Variants in ANKIB1 observed in about 807,000 individuals in gnomAD.
ANKIB1 encodes ankyrin repeat and IBR domain containing 1, also known as ankyrin repeat and IBR domain-containing protein 1.
In ANKIB1, 43 loss-of-function variants were observed where a neutral mutation model predicts 122.1. The ratio of observed to expected loss-of-function variants is 0.35; its 90% CI spans 0.28 to 0.45. ANKIB1 has a LOEUF of 0.45. Among genes scored for constraint, ANKIB1 ranks in the 20% least tolerant of loss-of-function variants. The pLI, the probability that ANKIB1 is intolerant of heterozygous loss-of-function variation, is 1.00. For synonymous variants in ANKIB1, 390 were observed against 442.0 expected, an observed-to-expected ratio of 0.88 and a Z score of 1.48; for missense variants, 992 against 1,329.5, an observed-to-expected ratio of 0.75 and a Z score of 3.95.
intron 2 of ANKIB1, among the ~76,000 whole-genome samples, chr7:92,297,297 C>T (rs1802374885): frequency 6.6e-6 from 1 of 152,182 alleles, no homozygotes; most frequent in Non-Finnish European, 1.5e-5. Context: ...GTCGTATCAG[C>T]TTATGTGTCA....
At chr7:92,307,223 A>T in intron 2 of ANKIB1, 136 bp from the exon 3 acceptor site, 1 of 846,944 alleles carries the variant, frequency 1.2e-6, no homozygotes, top group Non-Finnish European at 1.8e-6. Context: ...AAGCTGTTGT[A>T]AACCAGACCC....
chr7:92,387,800 T>A lies in ANKIB1; in HGVS notation c.1755T>A (p.Ala585=). The A allele has an allele frequency of 6.2e-7, 1 of 1,607,420 alleles. No individual in the cohort carries two copies. Residue 585 remains alanine, a splice_region_variant and synonymous_variant, in exon 13 of 20, where the codon GCT becomes GCA. Transcript: ENST00000265742. ...EEQSKEMTVE[A]EKKHKRFQEL... ...ATTTGTGGACTTTTGTTTTCTAGGC[T>A]GAGAAAAAACACAAACGATTTCAGG... is the stretch of plus-strand genomic sequence containing the variant.
intron 1 of ANKIB1, among the ~76,000 whole-genome samples, chr7:92,247,333 A>G (rs1314497216): frequency 6.6e-6 from 1 of 152,202 alleles, no homozygotes; most frequent in Non-Finnish European, 1.5e-5. Context: ...GTATGTGGGT[A>G]TGTGTAAGGT....
At chr7:92,299,398 A>G (rs1262122036) in intron 2 of ANKIB1, among the ~76,000 whole-genome samples, 2 of 152,244 alleles carry the variant, frequency 1.3e-5, no homozygotes, top group African/African-American at 2.4e-5. Context: ...CTTTAATGTA[A>G]CAGTACAAAA....
chr7:92,350,542 C>T (rs971210608), intron 7 of ANKIB1, among the ~76,000 whole-genome samples: 4 of 151,910 alleles, frequency 2.6e-5, no homozygotes, highest in Admixed American at 6.6e-5. Flanking sequence ...ATTTTAATTA[C>T]ACTCTGACAA....
At chr7:92,386,230 T>A (rs534016951) in intron 11 of ANKIB1, among the ~76,000 whole-genome samples, 47 of 152,312 alleles carry the variant, frequency 3.1e-4, no homozygotes, top group African/African-American at 1.1e-3. Flanking sequence ...TCCAAAGATA[T>A]TATTTGGAAA....
At chr7:92,339,357 T>G (rs1202043417) in intron 5 of ANKIB1, among the ~76,000 whole-genome samples, 1 of 152,100 alleles carries the variant, frequency 6.6e-6, no homozygotes, top group African/African-American at 2.4e-5. Context: ...TTTTTTAAAG[T>G]TTGCTTATGA....
chr7:92,329,666 G>T (rs1033442006), intron 5 of ANKIB1, among the ~76,000 whole-genome samples: 11 of 152,032 alleles, frequency 7.2e-5, no homozygotes, highest in Non-Finnish European at 1.5e-4. Context: ...TTGATTAGTG[G>T]GCAGCAATAT....
intron 11 of ANKIB1, among the ~76,000 whole-genome samples, chr7:92,380,559 T>G (rs988182584): frequency 2.0e-5 from 3 of 152,108 alleles, no homozygotes; most frequent in African/African-American, 7.2e-5. Context: ...CAGCAATATT[T>G]GCTGTTCTGC....
intron 1 of ANKIB1, among the ~76,000 whole-genome samples, chr7:92,278,331 C>G (rs990433459): frequency 6.6e-6 from 1 of 152,076 alleles, no homozygotes; most frequent in African/African-American, 2.4e-5. Context: ...TCTGCTGTCT[C>G]GTAGTCAGGG....
chr7:92,388,118 C>A, intron 14 of ANKIB1, 77 bp downstream of exon 14: 1 of 1,317,182 alleles, frequency 7.6e-7, no homozygotes, highest in Non-Finnish European at 1.1e-6. Flanking sequence ...TAGGTTAGGC[C>A]CTGAAAGGAA....
At position 92,352,555 on chromosome 7, in the gene ANKIB1, G is replaced by A. The variant is rs1253435124; in HGVS notation, c.1310G>A (p.Gly437Glu). The A allele has an allele frequency of 1.2e-6, 2 of 1,613,710 alleles. No homozygotes were observed. Among genetic ancestry groups the A allele is most frequent in the Admixed American group, 3.3e-5 (2 of 59,956 alleles). Residue 437 changes from glycine (G) to glutamate (E), a missense_variant, in exon 9 of 20, where the codon GGG (glycine) becomes GAG (glutamate). Physicochemically the swap from Gly to Glu is moderately conservative, Grantham distance 98. This residue lies in a region of ANKIB1 where 521 missense variants were observed against 777.7 expected (regional missense o/e 0.67). Coordinates refer to ENST00000265742, the MANE Select transcript of ANKIB1 (RefSeq NM_019004.2). ...CDRAVRLTKQ[G>E]SNTSGSDTLS... ...AGAGCAGTAAGACTAACGAAACAAG[G>A]GTCAAATACATCTGGATCTGATACA...
chr7:92,313,793 T>C lies in ANKIB1; in HGVS notation c.487-5537T>C, dbSNP rs117405506. Among the ~76,000 whole-genome samples the C allele has an allele frequency of 8.2e-3, 1,252 of 152,310 alleles. 4 individuals carry two copies. Among genetic ancestry groups the C allele is most frequent in the Non-Finnish European group, 0.012 (825 of 68,020 alleles). On this transcript the variant is annotated intron_variant, in intron 3 of 19. Coordinates refer to ENST00000265742, the MANE Select transcript of ANKIB1 (RefSeq NM_019004.2). ...CTGAACGTTTATCTCTGGGAATAGA[T>C]TCCAGAAATGTTTAGCAAGTTCTCC...
At chr7:92,280,606 TCTC>T (rs1221545840) in intron 1 of ANKIB1, among the ~76,000 whole-genome samples, 2 of 152,110 alleles carry the variant, frequency 1.3e-5, no homozygotes, top group Non-Finnish European at 2.9e-5. Flanking sequence ...TTGGACTCTT[TCTC>T]CTCCTATCTC....
In ANKIB1 at chr7:92,307,263, G is replaced by A. The variant is rs540512445; in HGVS notation, c.189-96G>A. On this transcript the variant is annotated intron_variant, in intron 2 of 19. Coordinates refer to ENST00000265742, the MANE Select transcript of ANKIB1 (RefSeq NM_019004.2). ...TATAAATTGGATTATCAGCTTAGAA[G>A]TAGAGTTTATCTTTTAAAAGTGTTA... The A allele has an allele frequency of 1.7e-5, 21 of 1,246,106 alleles. No homozygotes were observed. In the South Asian group the frequency reaches 1.7e-4, roughly 10 times the overall value. The allele number at this position is 1,246,106 out of a possible 1,614,324, so 77.2% of individuals were successfully genotyped here.
chr7:92,278,311 T>C (rs1415765709), intron 1 of ANKIB1, among the ~76,000 whole-genome samples: 1 of 152,038 alleles, frequency 6.6e-6, no homozygotes, highest in Non-Finnish European at 1.5e-5. Context: ...ATGCAGAAGC[T>C]GGGCCAGCCT....
At chr7:92,278,360 G>A (rs928474465) in intron 1 of ANKIB1, among the ~76,000 whole-genome samples, 34 of 152,212 alleles carry the variant, frequency 2.2e-4, no homozygotes, top group Admixed American at 2.2e-3. Flanking sequence ...TGTAATCATA[G>A]GCTCAGCAGT....
chr7:92,286,583 G>A (rs933463271), intron 1 of ANKIB1, among the ~76,000 whole-genome samples: 2 of 150,792 alleles, frequency 1.3e-5, no homozygotes, highest in African/African-American at 4.9e-5. Flanking sequence ...GGGTTTAATC[G>A]ATTCTCCTGC....
chr7:92,300,745 TATATA>T (rs1172118890), intron 2 of ANKIB1, among the ~76,000 whole-genome samples: 1 of 152,116 alleles, frequency 6.6e-6, no homozygotes, highest in Non-Finnish European at 1.5e-5. Flanking sequence ...AAATTTCAAG[TATATA>T]ATATATAATT....
Sources: gnomAD v4.1 joint callset for allele counts (sites outside exome capture counted in the v4.1 genomes callset) on GRCh38, gnomAD v4.1.1 for gene constraint, gnomAD v4.1.1 regional missense constraint, MANE v1.5 for transcripts, NCBI Gene and HGNC (gene_info 2026-07-23, HGNC 2026-07-21) for gene names.